Variants in KCNIP4 observed in about 807,000 individuals in gnomAD.
KCNIP4 encodes potassium voltage-gated channel interacting protein 4.
A neutral mutation model predicts 34.0 loss-of-function variants in KCNIP4; 12 were observed. That is an observed-to-expected ratio of 0.35 (90% CI 0.23 to 0.57). The LOEUF (loss-of-function observed/expected upper bound fraction) is 0.57, where lower values mean the gene tolerates loss of function less well. Ranked by LOEUF, KCNIP4 falls within the 20% of genes least tolerant of loss-of-function variation. The pLI is 0.83. For missense variants in KCNIP4, 238 were observed against 311.7 expected, an observed-to-expected ratio of 0.76 and a Z score of 1.78; for synonymous variants, 124 against 102.2, an observed-to-expected ratio of 1.21 and a Z score of -1.29.
intron 1 of KCNIP4, among the ~76,000 whole-genome samples, chr4:21,467,911 T>C (rs1472690428): frequency 6.6e-6 from 1 of 152,114 alleles, no homozygotes; most frequent in African/African-American, 2.4e-5. Context: ...TTAGGAAATA[T>C]CCTGTTATCC....
At position 21,933,810 on chromosome 4, in the gene KCNIP4, TAAA is replaced by T. The variant is rs760038369; in HGVS notation, c.61+14758_61+14760del. ...AGAAATATGAGACTTACCTAATAGT[TAAA>T]ATAATATTTGACTGCTGTTTTATCA... On this transcript the variant is annotated intron_variant, in intron 1 of 8. Transcript: ENST00000382152. Among the ~76,000 whole-genome samples, 12 of 152,138 alleles carry T rather than the reference TAAA, an allele frequency of 7.9e-5. No homozygotes were observed. The East Asian group carries it at 1.9e-3, about 24-fold the overall frequency.
intron 1 of KCNIP4, among the ~76,000 whole-genome samples, chr4:21,233,687 G>A (rs1277677166): frequency 6.6e-6 from 1 of 150,950 alleles, no homozygotes; most frequent in Non-Finnish European, 1.5e-5. Context: ...TATGACCTGG[G>A]GACTGTAAGA....
intron 1 of KCNIP4, among the ~76,000 whole-genome samples, chr4:21,478,704 G>T (rs923773397): frequency 1.3e-5 from 2 of 152,086 alleles, no homozygotes; most frequent in Non-Finnish European, 2.9e-5. Context: ...AAGCAAGACG[G>T]GGAATGCACT....
chr4:20,921,076 T>C (rs1729351605), intron 1 of KCNIP4, among the ~76,000 whole-genome samples: 1 of 152,086 alleles, frequency 6.6e-6, no homozygotes, highest in East Asian at 1.9e-4. Flanking sequence ...ACAGGAATAC[T>C]AGAGAAGGGG....
intron 1 of KCNIP4, among the ~76,000 whole-genome samples, chr4:21,926,870 T>G (rs879277030): frequency 6.6e-6 from 1 of 152,196 alleles, no homozygotes; most frequent in Non-Finnish European, 1.5e-5. Flanking sequence ...CAGATAACCC[T>G]GTGGCCAGGT....
rs569245544 is a variant in KCNIP4 at position 21,501,715 on chromosome 4, T to TGTGTGTGTGTGTGTGTGTGTGTGC, written c.61+446855_61+446856insGCACACACACACACACACACACAC. Among the ~76,000 whole-genome samples, 35 of 150,724 alleles carry TGTGTGTGTGTGTGTGTGTGTGTGC rather than the reference T, an allele frequency of 2.3e-4. 1 individual carries two copies. The highest frequency in any genetic ancestry group is 5.4e-4 in the African/African-American group (22 of 40,894). ...GTGTGTGTGTGTGTGTGTGTGTGTG[T>TGTGTGTGTGTGTGTGTGTGTGTGC]GCGTTGGAAGGGGCAGTTTATATGT... On this transcript the variant is annotated intron_variant, in intron 1 of 8. Transcript: ENST00000382152.
intron 1 of KCNIP4, among the ~76,000 whole-genome samples, chr4:20,947,840 A>G (rs1732352919): frequency 6.6e-6 from 1 of 152,178 alleles, no homozygotes; most frequent in Non-Finnish European, 1.5e-5. Context: ...ACATCCCTAC[A>G]TGCAGTTCCC....
At position 21,812,997 on chromosome 4, in the gene KCNIP4, T is replaced by A. The variant is rs114911694; in HGVS notation, c.61+135574A>T. ...TGTGTGTCATACTCAGGATAAATCCTGTGCCTAGGTCCAGCTTGCCTAGGT... is the reference window on the plus strand; with the variant it reads ...TGTGTGTCATACTCAGGATAAATCCAGTGCCTAGGTCCAGCTTGCCTAGGT... On this transcript the variant is annotated intron_variant, in intron 1 of 8. Coordinates refer to ENST00000382152, the MANE Select transcript of KCNIP4 (RefSeq NM_025221.6). 6.6e-3 allele frequency among the ~76,000 whole-genome samples: 1,007 copies of A among 152,306 alleles called. 18 individuals are homozygous for A. Among genetic ancestry groups the A allele is most frequent in the African/African-American group, 0.023 (954 of 41,578 alleles).
At chr4:21,935,129 A>G (rs752238689) in intron 1 of KCNIP4, among the ~76,000 whole-genome samples, 1 of 151,840 alleles carries the variant, frequency 6.6e-6, no homozygotes, top group Non-Finnish European at 1.5e-5. Flanking sequence ...TCTCCCATCT[A>G]ACTCCACCCA....
chr4:21,318,485 G>T (rs1365954346), intron 1 of KCNIP4, among the ~76,000 whole-genome samples: 1 of 152,108 alleles, frequency 6.6e-6, no homozygotes, highest in African/African-American at 2.4e-5. Flanking sequence ...CACTGACTTT[G>T]AATGTTTGAA....
chr4:21,920,328 C>G (rs773544058), intron 1 of KCNIP4, among the ~76,000 whole-genome samples: 1 of 152,102 alleles, frequency 6.6e-6, no homozygotes, highest in Admixed American at 6.6e-5. Flanking sequence ...TATGTACAGA[C>G]TTTTATGTGT....
intron 1 of KCNIP4, among the ~76,000 whole-genome samples, chr4:20,943,205 AG>A (rs1429702257): frequency 6.6e-6 from 1 of 152,196 alleles, no homozygotes; most frequent in African/African-American, 2.4e-5. Context: ...GAATTTGGTG[AG>A]GAATTCAGTG....
intron 1 of KCNIP4, among the ~76,000 whole-genome samples, chr4:21,589,614 C>T (rs902568150): frequency 2.5e-4 from 38 of 151,790 alleles, no homozygotes; most frequent in Non-Finnish European, 4.6e-4. Flanking sequence ...CTCTGTATTT[C>T]GAACTATGTA....
chr4:21,041,249 C>T (rs913296480), intron 1 of KCNIP4, among the ~76,000 whole-genome samples: 1 of 145,808 alleles, frequency 6.9e-6, no homozygotes, highest in African/African-American at 2.8e-5. Context: ...CACACACACA[C>T]ACACACACAC....
rs139394922 is a variant in KCNIP4, at chr4:21,337,063, C to T, written c.62-454354G>A. On this transcript the variant is annotated intron_variant, in intron 1 of 8. Coordinates refer to ENST00000382152, the MANE Select transcript of KCNIP4 (RefSeq NM_025221.6). The stretch of plus-strand genomic sequence containing the variant: ...GAGGAAAGAGCATGGCAGGTGGGGT[C>T]GTAAAAGAAGACAGTGAAGGGAGAG... Among the ~76,000 whole-genome samples the T allele has an allele frequency of 1.5e-3, 229 of 150,470 alleles. 3 individuals are homozygous for T. Among genetic ancestry groups the T allele is most frequent in the African/African-American group, 5.2e-3 (213 of 40,576 alleles).
rs181596413 is a variant in KCNIP4 at position 21,703,416 on chromosome 4, A to C, written c.61+245155T>G. On this transcript the variant is annotated intron_variant, in intron 1 of 8. Transcript: ENST00000382152. Reference sequence around the variant, plus strand: ...ACTTTAAGTTTTAGGGTGCATGTGCACATGGATGAAGCTGGAAACCATCAT... The same window carrying C: ...ACTTTAAGTTTTAGGGTGCATGTGCCCATGGATGAAGCTGGAAACCATCAT... 1.4e-4 allele frequency among the ~76,000 whole-genome samples: 21 copies of C among 152,310 alleles called. No individual in the cohort carries two copies. In the East Asian group the frequency reaches 4.0e-3, roughly 29 times the overall value.
At position 20,729,795 on chromosome 4, in the gene KCNIP4, G is replaced by T; in HGVS notation, c.*287C>A. On this transcript the variant is annotated 3_prime_UTR_variant, in exon 9 of 9. Coordinates refer to ENST00000382152, the MANE Select transcript of KCNIP4 (RefSeq NM_025221.6). ...ATGTGAAAGCCTCAATAATCCCATGGCTAAGGAACCAATAAAACTATATGC... is the reference window on the plus strand; with the variant it reads ...ATGTGAAAGCCTCAATAATCCCATGTCTAAGGAACCAATAAAACTATATGC... The T allele has an allele frequency of 3.4e-6, 1 of 296,132 alleles. No homozygotes were observed. 18.3% of individuals were successfully genotyped at this position (296,132 alleles called of 1,614,324 possible).
intron 1 of KCNIP4, among the ~76,000 whole-genome samples, chr4:21,170,090 A>G (rs1753910406): frequency 1.3e-5 from 2 of 152,162 alleles, no homozygotes; most frequent in Admixed American, 6.5e-5. Flanking sequence ...GCATTCAAGG[A>G]AACACCAAAT....
chr4:20,897,000 T>C (rs1726614794), intron 1 of KCNIP4, among the ~76,000 whole-genome samples: 1 of 152,016 alleles, frequency 6.6e-6, no homozygotes, highest in East Asian at 1.9e-4. Flanking sequence ...CACACTACCA[T>C]GGAGTGGATT....
Sources: gnomAD v4.1 joint callset for allele counts (sites outside exome capture counted in the v4.1 genomes callset) on GRCh38, gnomAD v4.1.1 for gene constraint, MANE v1.5 for transcripts, NCBI Gene and HGNC (gene_info 2026-07-23, HGNC 2026-07-21) for gene names.